SAFB: variants seen among roughly 807,000 people sequenced by gnomAD.
SAFB encodes scaffold attachment factor B.
In SAFB, 15 loss-of-function variants were observed where a neutral mutation model predicts 101.6. That is an observed-to-expected ratio of 0.15 (90% CI 0.10 to 0.23). The LOEUF (loss-of-function observed/expected upper bound fraction) is 0.23. Among genes scored for constraint, SAFB ranks in the 10% least tolerant of loss-of-function variants. SAFB has a pLI of 1.00. For synonymous variants in SAFB, 449 were observed against 407.5 expected (o/e 1.10, Z -1.23); for missense variants, 930 against 1,104.1 (o/e 0.84, Z 2.23).
intron 17 of SAFB, chr19:5,665,809 T>TA: frequency 6.6e-6 from 1 of 152,326 alleles, no homozygotes; most frequent in East Asian, 1.9e-4. Context: ...ATTGAACAGT[T>TA]ACGTGGGTTG....
At position 5,623,221 on chromosome 19, in the gene SAFB, T is replaced by A; in HGVS notation, c.16T>A (p.Ser6Thr). The A allele has an allele frequency of 6.3e-7, 1 of 1,598,606 alleles. No homozygotes were observed. Among genetic ancestry groups the A allele is most frequent in the Non-Finnish European group, 8.5e-7 (1 of 1,173,036 alleles). ...GGTCCCTGGAATGGCGGAGACTCTG[T>A]CAGGCCTAGGTGATTCTGGAGCGGC... MAETL[S>T]GLGDSGAAGA... is the part of the protein sequence containing the mutation. The change falls in exon 1 of 21, where the codon TCA (serine) becomes ACA (threonine). Residue 6 changes from serine (S) to threonine (T), a missense_variant. By Grantham distance (58) the Ser-to-Thr change is moderately conservative. Around this residue, in one of 7 missense-constraint regions of SAFB, gnomAD observed 44 missense variants for 35.8 expected, o/e 1.23. Coordinates refer to ENST00000588852, the MANE Select transcript of SAFB (RefSeq NM_001201338.2).
At chr19:5,633,395 G>T (rs942079452) in intron 2 of SAFB, among the ~76,000 whole-genome samples, 1 of 152,146 alleles carries the variant, frequency 6.6e-6, no homozygotes, top group South Asian at 2.1e-4. Flanking sequence ...GGCAGGGTAC[G>T]TGAGTCTCAT....
chr19:5,626,165 G>A (rs1450475920), intron 1 of SAFB, among the ~76,000 whole-genome samples: 1 of 152,124 alleles, frequency 6.6e-6, no homozygotes, highest in Non-Finnish European at 1.5e-5. Context: ...AGAGGAAGAA[G>A]CAAAAACTGA....
intron 2 of SAFB, among the ~76,000 whole-genome samples, chr19:5,629,519 T>C (rs1599315850): frequency 6.6e-6 from 1 of 152,324 alleles, no homozygotes; most frequent in Middle Eastern, 3.4e-3. Flanking sequence ...TCTCACTGTT[T>C]TTTAACAGGC....
chr19:5,662,309 C>T (rs1352815908), intron 15 of SAFB, among the ~76,000 whole-genome samples: 1 of 152,062 alleles, frequency 6.6e-6, no homozygotes, highest in Non-Finnish European at 1.5e-5. Context: ...ACCAGCCTGG[C>T]CAACATGGCA....
chr19:5,664,217 A>G (rs1194433098), intron 16 of SAFB, 58 bp downstream of exon 16: 1 of 1,583,726 alleles, frequency 6.3e-7, no homozygotes, highest in South Asian at 1.1e-5. Flanking sequence ...ATTCTGACTG[A>G]GAACAAGGAC....
At chr19:5,630,572 A>G (rs1194390476) in intron 2 of SAFB, among the ~76,000 whole-genome samples, 1 of 152,154 alleles carries the variant, frequency 6.6e-6, no homozygotes, top group African/African-American at 2.4e-5. Context: ...CCTGGCCAAC[A>G]TGGTGAAACC....
intron 14 of SAFB, among the ~76,000 whole-genome samples, chr19:5,659,787 C>T (rs893324058): frequency 6.6e-6 from 1 of 152,062 alleles, no homozygotes; most frequent in Non-Finnish European, 1.5e-5. Context: ...CACGGGCAGC[C>T]TGGGGGGCCC....
intron 2 of SAFB, among the ~76,000 whole-genome samples, chr19:5,638,979 G>A (rs1293567376): frequency 6.6e-6 from 1 of 151,374 alleles, no homozygotes; most frequent in East Asian, 1.9e-4. Context: ...CACCCGCCTT[G>A]GCCTCCCAAA....
At chr19:5,642,237 G>A (rs1215022864) in intron 4 of SAFB, among the ~76,000 whole-genome samples, 1 of 152,182 alleles carries the variant, frequency 6.6e-6, no homozygotes, top group Non-Finnish European at 1.5e-5. Flanking sequence ...TATGGCCTAG[G>A]TACCTTGAAA....
chr19:5,641,956 C>T lies in SAFB; in HGVS notation c.546+10C>T, dbSNP rs1298907213. 1.1e-5 allele frequency: 17 copies of T among 1,607,990 alleles called. No individual in the cohort carries two copies. Among genetic ancestry groups the T allele is most frequent in the East Asian group, 8.9e-5 (4 of 44,868 alleles). On this transcript the variant is annotated intron_variant, in intron 4 of 20. Coordinates refer to ENST00000588852, the MANE Select transcript of SAFB (RefSeq NM_001201338.2). The stretch of plus-strand genomic sequence containing the variant: ...GCTTCAGGAACATGCTGTAGGTAAC[C>T]GGCAATGTCTCTAGAATGTGCCCTG...
intron 2 of SAFB, among the ~76,000 whole-genome samples, chr19:5,631,449 A>G (rs1385965840): frequency 6.6e-6 from 1 of 152,216 alleles, no homozygotes; most frequent in Non-Finnish European, 1.5e-5. Flanking sequence ...CTGATAGGGC[A>G]GGTCGGTAAG....
chr19:5,631,122 G>A (rs879804608), intron 2 of SAFB, among the ~76,000 whole-genome samples: 4 of 151,560 alleles, frequency 2.6e-5, no homozygotes, highest in Admixed American at 2.0e-4. Context: ...CCTGGGAGGC[G>A]GAGGTTGCAG....
chr19:5,633,935 CAA>C (rs1042548298), intron 2 of SAFB, among the ~76,000 whole-genome samples: 22 of 152,150 alleles, frequency 1.4e-4, no homozygotes, highest in African/African-American at 5.1e-4. Context: ...CGAAGCAAGC[CAA>C]AGACAGCTTA....
Position 5,667,193 on chromosome 19 carries a change from A to ACC in SAFB, c.2453+38_2453+39dup, listed in dbSNP as rs148831822. 244 of 1,096,244 alleles carry ACC rather than the reference A, an allele frequency of 2.2e-4. No individual in the cohort carries two copies. The highest frequency in any genetic ancestry group is 5.7e-4 in the African/African-American group (33 of 58,314). The allele number at this position is 1,096,244 out of a possible 1,614,324, so 67.9% of individuals were successfully genotyped here. On this transcript the variant is annotated intron_variant, in intron 18 of 20. Coordinates refer to ENST00000588852, the MANE Select transcript of SAFB (RefSeq NM_001201338.2). This position sits in a 1 kb window ranked among gnomAD's most constrained non-coding sequence, Gnocchi z 4.0. Reference sequence around the variant, plus strand: ...TGTGTCCCACACCCGACAGTACCTGACCCCCCCCCCGCCCACAAGGGGGCC... The same window carrying ACC: ...TGTGTCCCACACCCGACAGTACCTGACCCCCCCCCCCCGCCCACAAGGGGGCC...
intron 13 of SAFB, among the ~76,000 whole-genome samples, chr19:5,655,045 C>T (rs1306151621): frequency 1.3e-5 from 2 of 152,314 alleles, no homozygotes; most frequent in African/African-American, 4.8e-5. Context: ...AGCACCTCCC[C>T]GTGATGCATT....
Position 5,653,098 on chromosome 19 carries a change from GC to G in SAFB, c.1294-15del, listed in dbSNP as rs757334855. The G allele has an allele frequency of 5.0e-6, 8 of 1,612,794 alleles. No individual in the cohort carries two copies. The highest frequency in any genetic ancestry group is 6.8e-6 in the Non-Finnish European group (8 of 1,179,938). ...TGGGCTTCATGTCTGAGTCATATTTGCCTGCTTTCCTTTGAGGTGGTGGGCG... is the reference window on the plus strand; with the variant it reads ...TGGGCTTCATGTCTGAGTCATATTTGCTGCTTTCCTTTGAGGTGGTGGGCG... On this transcript the variant is annotated splice_polypyrimidine_tract_variant and intron_variant, in intron 9 of 20. Coordinates refer to ENST00000588852, the MANE Select transcript of SAFB (RefSeq NM_001201338.2).
Position 5,667,987 on chromosome 19 carries a change from C to A in SAFB, c.2624+101C>A, listed in dbSNP as rs1033022662. The A allele has an allele frequency of 1.4e-5, 20 of 1,439,452 alleles. No homozygotes were observed. In the African/African-American group the frequency reaches 1.6e-4, roughly 11 times the overall value. The allele number at this position is 1,439,452 out of a possible 1,614,324, so 89.2% of individuals were successfully genotyped here. ...AGTCCTTCCAGCTAGTGCCCCTCCC[C>A]CCAAGGGTGACGTGAGGCCAGGCAT... On this transcript the variant is annotated intron_variant, in intron 20 of 20. Coordinates refer to ENST00000588852, the MANE Select transcript of SAFB (RefSeq NM_001201338.2). The surrounding 1 kb of genome is among the most constrained non-coding windows in gnomAD (Gnocchi z 4.0).
chr19:5,641,102 T>G (rs942890461), intron 2 of SAFB, among the ~76,000 whole-genome samples: 3 of 152,114 alleles, frequency 2.0e-5, no homozygotes, highest in African/African-American at 7.2e-5. Flanking sequence ...ACTCCTGACC[T>G]CAGGTGATCC....
Sources: allele counts gnomAD v4.1 joint callset (sites outside exome capture counted in the v4.1 genomes callset), GRCh38; gene constraint gnomAD v4.1.1; regional missense constraint gnomAD v4.1.1; non-coding constraint Gnocchi (gnomAD v3.1); transcripts MANE v1.5; gene names NCBI Gene and HGNC (gene_info 2026-07-23, HGNC 2026-07-21).